Variants in CYP3A7 observed in about 807,000 individuals in gnomAD.
CYP3A7 encodes cytochrome P450 family 3 subfamily A member 7, also known as cytochrome P450 3A7.
A neutral mutation model predicts 55.2 loss-of-function variants in CYP3A7; 45 were observed. The observed-to-expected ratio is 0.82, with a 90% confidence interval of 0.64 to 1.05. The LOEUF (loss-of-function observed/expected upper bound fraction) is 1.05, where lower values mean the gene tolerates loss of function less well. Among genes scored for constraint, CYP3A7 ranks in the 50% least tolerant of loss-of-function variants. The pLI, the probability that CYP3A7 is intolerant of heterozygous loss-of-function variation, is 0.00. For missense variants in CYP3A7, 548 were observed against 605.3 expected, an observed-to-expected ratio of 0.91 and a Z score of 0.99; for synonymous variants, 180 against 207.4, an observed-to-expected ratio of 0.87 and a Z score of 1.13.
chr7:99,712,914 C>T (rs1473852747), intron 9 of CYP3A7, among the ~76,000 whole-genome samples: 1 of 152,130 alleles, frequency 6.6e-6, no homozygotes, highest in African/African-American at 2.4e-5. Context: ...TTTACACAGT[C>T]TCAGAGGTTT....
rs1415551239 is a variant in CYP3A7, at chr7:99,705,387, A to T, written c.*113T>A. On this transcript the variant is annotated 3_prime_UTR_variant, in exon 13 of 13. Transcript: ENST00000336374. ...CAGAATCCCTGATTATTTATGCAGC[A>T]CATTGGATGAAGCCCGTCTTCATTT... The T allele has an allele frequency of 3.1e-5, 36 of 1,177,112 alleles. No homozygotes were observed. The highest frequency in any genetic ancestry group is 4.5e-5 in the Non-Finnish European group (36 of 798,634). 72.9% of individuals were successfully genotyped at this position (1,177,112 alleles called of 1,614,324 possible).
At position 99,705,382 on chromosome 7, in the gene CYP3A7, G is replaced by T; in HGVS notation, c.*118C>A. The stretch of plus-strand genomic sequence containing the variant: ...ACGTACAGAATCCCTGATTATTTAT[G>T]CAGCACATTGGATGAAGCCCGTCTT... On this transcript the variant is annotated 3_prime_UTR_variant, in exon 13 of 13. Transcript: ENST00000336374. 8.8e-7 allele frequency: 1 copy of T among 1,136,312 alleles called. No homozygotes were observed. The highest frequency in any genetic ancestry group is 1.3e-6 in the Non-Finnish European group (1 of 765,396). The allele number at this position is 1,136,312 out of a possible 1,614,324, so 70.4% of individuals were successfully genotyped here.
chr7:99,726,617 G>C (rs1584521774), intron 2 of CYP3A7, among the ~76,000 whole-genome samples: 1 of 152,200 alleles, frequency 6.6e-6, no homozygotes, highest in East Asian at 1.9e-4. Flanking sequence ...AGCTTACCTG[G>C]GCTGTACTGC....
intron 10 of CYP3A7, among the ~76,000 whole-genome samples, chr7:99,709,957 C>A (rs1344792835): frequency 6.6e-6 from 1 of 152,148 alleles, no homozygotes; most frequent in African/African-American, 2.4e-5. Context: ...GTTATCAGAG[C>A]ATGTGATTTC....
At chr7:99,721,390 A>C (rs1447734044) in intron 3 of CYP3A7, among the ~76,000 whole-genome samples, 1 of 152,180 alleles carries the variant, frequency 6.6e-6, no homozygotes, top group Non-Finnish European at 1.5e-5. Flanking sequence ...GTTAAATCCA[A>C]AGTTGAAATG....
Position 99,705,457 on chromosome 7 carries a change from G to T in CYP3A7, c.*43C>A, listed in dbSNP as rs768758724. The T allele has an allele frequency of 8.1e-6, 13 of 1,601,474 alleles. No homozygotes were observed. Among genetic ancestry groups the T allele is most frequent in the Non-Finnish European group, 1.0e-5 (12 of 1,169,436 alleles). The stretch of plus-strand genomic sequence containing the variant: ...TAATTTGAGGTCTCTGGTGTTCTGG[G>T]GCACAGCTTTCTTAAAGAGCAAACC... On this transcript the variant is annotated 3_prime_UTR_variant, in exon 13 of 13. Coordinates refer to ENST00000336374, the MANE Select transcript of CYP3A7 (RefSeq NM_000765.5).
intron 1 of CYP3A7, among the ~76,000 whole-genome samples, chr7:99,733,934 T>C (rs1329409947): frequency 1.3e-5 from 2 of 152,246 alleles, no homozygotes; most frequent in African/African-American, 4.8e-5. Context: ...CCTAGAGATA[T>C]ATATTTGTAC....
At chr7:99,727,827 T>C (rs1814471822) in intron 2 of CYP3A7, among the ~76,000 whole-genome samples, 1 of 152,188 alleles carries the variant, frequency 6.6e-6, no homozygotes, top group African/African-American at 2.4e-5. Flanking sequence ...ATGCTGTCCA[T>C]ATCCTGCACC....
rs1206312805 is a variant in CYP3A7 at position 99,715,772 on chromosome 7, A to C, written c.656T>G (p.Phe219Cys). The change falls in exon 7 of 13, where the codon TTC (phenylalanine) becomes TGC (cysteine). Residue 219 changes from phenylalanine to cysteine, a missense_variant. Physicochemically the swap from Phe to Cys is radical, Grantham distance 205. Transcript: ENST00000336374. The part of the protein sequence containing the change: ...KLLRFNPLDP[F>C]VLSIKVFPFL... ...AGTCCACATACTTATTGAGAGAACG[A>C]ATGGATCTAATGGATTAAATCTTAA... is the stretch of plus-strand genomic sequence containing the variant. The C allele has an allele frequency of 2.5e-6, 4 of 1,613,734 alleles. No individual in the cohort carries two copies. The highest frequency in any genetic ancestry group is 3.4e-6 in the Non-Finnish European group (4 of 1,179,770).
At position 99,726,351 on chromosome 7, in the gene CYP3A7, T is replaced by A. The variant is rs867698332; in HGVS notation, c.166-4003A>T. Among the ~76,000 whole-genome samples, 16 of 152,300 alleles carry A rather than the reference T, an allele frequency of 1.1e-4. No individual in the cohort carries two copies. In the South Asian group the frequency reaches 2.3e-3, roughly 22 times the overall value. On this transcript the variant is annotated intron_variant, in intron 2 of 12. Coordinates refer to ENST00000336374, the MANE Select transcript of CYP3A7 (RefSeq NM_000765.5). ...TAAAGCCTACAAACTCTCCTTATAATTCCCCCATCTTACCTGTCTAAAAAC... is the reference window on the plus strand; with the variant it reads ...TAAAGCCTACAAACTCTCCTTATAAATCCCCCATCTTACCTGTCTAAAAAC...
At chr7:99,720,554 T>C in intron 3 of CYP3A7, 142 bp from the exon 4 acceptor site, 1 of 899,052 alleles carries the variant, frequency 1.1e-6, no homozygotes, top group Admixed American at 2.2e-5. Flanking sequence ...TCTAGTTCAT[T>C]AGGTATAACT....
chr7:99,711,683 G>T (rs1023285834), intron 9 of CYP3A7, among the ~76,000 whole-genome samples: 1 of 152,098 alleles, frequency 6.6e-6, no homozygotes, highest in Non-Finnish European at 1.5e-5. Flanking sequence ...CAGAATAATC[G>T]CTTGAATCTG....
chr7:99,732,679 T>C (rs1814673285), intron 1 of CYP3A7, among the ~76,000 whole-genome samples: 1 of 152,052 alleles, frequency 6.6e-6, no homozygotes, highest in South Asian at 2.1e-4. Flanking sequence ...ATGGAAGAGG[T>C]AGCCAGCCAT....
At chr7:99,734,759 C>A (rs1332046012) in intron 1 of CYP3A7, among the ~76,000 whole-genome samples, 3 of 151,812 alleles carry the variant, frequency 2.0e-5, no homozygotes, top group African/African-American at 4.8e-5. Context: ...GTAGCTGGGA[C>A]TACAGTTATG....
rs559190102 is a variant in CYP3A7 at position 99,720,179 on chromosome 7, G to A, written c.318+134C>T. The A allele has an allele frequency of 1.6e-5, 17 of 1,063,192 alleles. No individual in the cohort carries two copies. In the African/African-American group the frequency reaches 2.5e-4, roughly 16 times the overall value. The allele number at this position is 1,063,192 out of a possible 1,614,324, so 65.9% of individuals were successfully genotyped here. A position where few individuals can be genotyped will look rare whatever the true frequency, so the allele number is the denominator to read the frequency against. On this transcript the variant is annotated intron_variant, in intron 4 of 12. Coordinates refer to ENST00000336374, the MANE Select transcript of CYP3A7 (RefSeq NM_000765.5). The stretch of plus-strand genomic sequence containing the variant: ...GCAAGATTGCAAGATGTTACCATGG[G>A]GGATGGGCAGGATGAAGTGTACATG...
intron 2 of CYP3A7, among the ~76,000 whole-genome samples, chr7:99,725,335 CCCACAA>C (rs1814369334): frequency 6.6e-6 from 1 of 152,164 alleles, no homozygotes; most frequent in Non-Finnish European, 1.5e-5. Flanking sequence ...GGCCTCAAAC[CCCACAA>C]CAGGACTTAA....
chr7:99,712,704 A>G (rs2151507980), intron 9 of CYP3A7, among the ~76,000 whole-genome samples: 1 of 152,316 alleles, frequency 6.6e-6, no homozygotes, highest in Admixed American at 6.5e-5. Flanking sequence ...ACATATTTAA[A>G]TCTGTATGCC....
chr7:99,715,560 A>G, intron 7 of CYP3A7, 198 bp downstream of exon 7: 1 of 917,482 alleles, frequency 1.1e-6, no homozygotes, highest in Non-Finnish European at 1.6e-6. Flanking sequence ...GGGGGTTGAT[A>G]GCTAAACATG....
In CYP3A7 at chr7:99,735,143, G is replaced by C. The variant is rs371578101; in HGVS notation, c.-50C>G. ...TCCTCTGAGTCTTTTTTTCAGCAGC[G>C]TGCTGCTGTTTGCTGGGCTGTGTGT... On this transcript the variant is annotated 5_prime_UTR_variant, in exon 1 of 13. Coordinates refer to ENST00000336374, the MANE Select transcript of CYP3A7 (RefSeq NM_000765.5). The C allele has an allele frequency of 1.8e-3, 2,965 of 1,605,798 alleles. 6 individuals are homozygous for C. The highest frequency in any genetic ancestry group is 2.4e-3 in the Non-Finnish European group (2,797 of 1,173,250).
Sources: allele counts gnomAD v4.1 joint callset (sites outside exome capture counted in the v4.1 genomes callset), GRCh38; gene constraint gnomAD v4.1.1; transcripts MANE v1.5; gene names NCBI Gene and HGNC (gene_info 2026-07-23, HGNC 2026-07-21).